Variants in ADRA1A observed in about 807,000 individuals in gnomAD.
ADRA1A encodes alpha-1A adrenergic receptor.
Under a neutral mutation model 29.6 loss-of-function variants are expected in ADRA1A, and 31 were observed. The observed-to-expected ratio is 1.05, with a 90% CI of 0.79 to 1.41. The LOEUF is 1.41. Among genes scored for constraint, ADRA1A ranks in the 40% most tolerant of loss-of-function variants. The pLI, the probability that ADRA1A is intolerant of heterozygous loss-of-function variation, is 0.00. For synonymous variants in ADRA1A, 311 were observed against 254.3 expected (o/e 1.22, Z -2.12); for missense variants, 619 against 601.1 (o/e 1.03, Z -0.31).
At chr8:26,779,543 C>A (rs1435032769) in intron 2 of ADRA1A, 2 of 590,742 alleles carry the variant, frequency 3.4e-6, no homozygotes, top group African/African-American at 1.9e-5. Flanking sequence ...CCATGACAAG[C>A]AGGATGATGA....
At chr8:26,776,904 T>C (rs1246014962) in intron 2 of ADRA1A, among the ~76,000 whole-genome samples, 1 of 152,098 alleles carries the variant, frequency 6.6e-6, no homozygotes, top group Non-Finnish European at 1.5e-5. Flanking sequence ...GTTCAGCGAG[T>C]GGTCTCTCCG....
At chr8:26,755,891 G>T (rs3739215), downstream of ADRA1A, among the ~76,000 whole-genome samples, 1 of 152,018 alleles carries the variant, frequency 6.6e-6, no homozygotes, top group Non-Finnish European at 1.5e-5. Flanking sequence ...TGTTTTGCAG[G>T]GTGATTTTCA....
intron 2 of ADRA1A, among the ~76,000 whole-genome samples, chr8:26,759,860 C>G (rs1478912389): frequency 6.6e-6 from 1 of 152,186 alleles, no homozygotes; most frequent in African/African-American, 2.4e-5. Context: ...CTTGAAAAGA[C>G]AGAATACTTT....
exon 3 of ADRA1A, chr8:26,748,733 C>T (rs554972791): frequency 1.1e-4 from 38 of 350,718 alleles, no homozygotes; most frequent in African/African-American, 7.9e-4. Context: ...AGCCTGGTGA[C>T]AGAGCGAGAC....
At chr8:26,838,739 G>A (rs1040225447) in intron 2 of ADRA1A, among the ~76,000 whole-genome samples, 1 of 152,192 alleles carries the variant, frequency 6.6e-6, no homozygotes, top group Non-Finnish European at 1.5e-5. Flanking sequence ...TCAAAAAAGT[G>A]GTAGAAGATA....
rs1811801590 is a variant in ADRA1A at position 26,841,327 on chromosome 8, C to T, written c.883+22760G>A. On this transcript the variant is annotated intron_variant, in intron 2 of 2. Coordinates refer to ENST00000380573, the MANE Select transcript of ADRA1A (RefSeq NM_000680.4). The surrounding 1 kb of genome is among the most constrained non-coding windows in gnomAD (Gnocchi z 4.4). ...AGGACCACAGTCTCAAGGCCACCTACAGTTTCCTTTACCACCCACTGTCTG... is the reference window on the plus strand; with the variant it reads ...AGGACCACAGTCTCAAGGCCACCTATAGTTTCCTTTACCACCCACTGTCTG... Among the ~76,000 whole-genome samples, 1 of 152,174 alleles carries T rather than the reference C, an allele frequency of 6.6e-6. No individual in the cohort carries two copies.
At chr8:26,808,672 T>C (rs1022003259) in intron 2 of ADRA1A, among the ~76,000 whole-genome samples, 1 of 152,244 alleles carries the variant, frequency 6.6e-6, no homozygotes, top group Non-Finnish European at 1.5e-5. Flanking sequence ...AAGTATACAC[T>C]GAGATGTCAC....
rs1476510727 is a variant in ADRA1A, at chr8:26,769,824, T to C, written c.*325A>G. On this transcript the variant is annotated 3_prime_UTR_variant, in exon 3 of 3. Coordinates refer to ENST00000380573, the MANE Select transcript of ADRA1A (RefSeq NM_000680.4). ...CAAAATATTCATGATGAAATCATAA[T>C]CCTATATTTATAGTCTTTTGGATTG... The C allele has an allele frequency of 2.8e-6, 3 of 1,060,390 alleles. No individual in the cohort carries two copies. Among genetic ancestry groups the C allele is most frequent in the African/African-American group, 1.7e-5 (1 of 60,120 alleles). The allele number at this position is 1,060,390 out of a possible 1,614,324, so 65.7% of individuals were successfully genotyped here. A position where few individuals can be genotyped will look rare whatever the true frequency, so the allele number is the denominator to read the frequency against.
chr8:26,778,615 TA>T, intron 2 of ADRA1A, among the ~76,000 whole-genome samples: 1 of 151,992 alleles, frequency 6.6e-6, no homozygotes, highest in Non-Finnish European at 1.5e-5. Flanking sequence ...TATGCAGCCA[TA>T]AAAAAGGATG....
intron 2 of ADRA1A, among the ~76,000 whole-genome samples, chr8:26,814,201 AAAC>A (rs1809607952): frequency 6.6e-6 from 1 of 152,234 alleles, no homozygotes; most frequent in African/African-American, 2.4e-5. Context: ...TGAAAAAAAA[AAAC>A]ATACTTCCTA....
downstream of ADRA1A, among the ~76,000 whole-genome samples, chr8:26,762,347 A>G (rs1444147872): frequency 1.3e-5 from 2 of 152,156 alleles, no homozygotes; most frequent in Non-Finnish European, 2.9e-5. This position sits in a 1 kb window ranked among gnomAD's most constrained non-coding sequence, Gnocchi z 4.0. Flanking sequence ...GGCCTTCAGA[A>G]TGTCCTCATC....
rs1811005890 is a variant in ADRA1A, at chr8:26,831,980, C to T, written c.883+32107G>A. The stretch of plus-strand genomic sequence containing the variant: ...AGTGGGGACAGAGGCCTGCTGGTCT[C>T]ACCCCACATTTCTCATCCATTTAGA... On this transcript the variant is annotated intron_variant, in intron 2 of 2. Coordinates refer to ENST00000380573, the MANE Select transcript of ADRA1A (RefSeq NM_000680.4). The surrounding 1 kb of genome is among the most constrained non-coding windows in gnomAD (Gnocchi z 5.2). Among the ~76,000 whole-genome samples the T allele has an allele frequency of 6.6e-6, 1 of 152,224 alleles. No individual in the cohort carries two copies. The highest frequency in any genetic ancestry group is 2.4e-5 in the African/African-American group (1 of 41,464).
intron 2 of ADRA1A, among the ~76,000 whole-genome samples, chr8:26,803,919 C>CTTTTT (rs34314160): frequency 6.8e-4 from 65 of 95,218 alleles, no homozygotes; most frequent in East Asian, 1.6e-3. Flanking sequence ...TGGAAGTTTC[C>CTTTTT]TTTTTTTTTT....
In ADRA1A at chr8:26,823,502, A is replaced by G. The variant is rs148859440; in HGVS notation, c.883+40585T>C. Among the ~76,000 whole-genome samples, 26 of 152,298 alleles carry G rather than the reference A, an allele frequency of 1.7e-4. 2 individuals carry two copies. In the East Asian group the frequency reaches 4.8e-3, roughly 28 times the overall value. ...AGGTAATTATTGTTCTCTCATAAAA[A>G]CTGAATTCTATGAAGAACAAAACCT... On this transcript the variant is annotated intron_variant, in intron 2 of 2. Coordinates refer to ENST00000380573, the MANE Select transcript of ADRA1A (RefSeq NM_000680.4). This position sits in a 1 kb window ranked among gnomAD's most constrained non-coding sequence, Gnocchi z 4.2.
intron 2 of ADRA1A, among the ~76,000 whole-genome samples, chr8:26,757,514 C>CT (rs1020619837): frequency 2.0e-5 from 3 of 150,338 alleles, no homozygotes; most frequent in Admixed American, 6.6e-5. Context: ...CTTCCATTTC[C>CT]CCCACCCCCC....
rs934081696 is a variant in ADRA1A at position 26,841,526 on chromosome 8, G to A, written c.883+22561C>T. Among the ~76,000 whole-genome samples the A allele has an allele frequency of 7.9e-5, 12 of 152,066 alleles. No homozygotes were observed. The highest frequency in any genetic ancestry group is 2.7e-4 in the African/African-American group (11 of 41,394). On this transcript the variant is annotated intron_variant, in intron 2 of 2. Transcript: ENST00000380573. This position sits in a 1 kb window ranked among gnomAD's most constrained non-coding sequence, Gnocchi z 4.4. The stretch of plus-strand genomic sequence containing the variant: ...TTGGAAAAAAACAAAAACAAAATTG[G>A]ACCCTTGGTGGAGCCCTTGATGGCG...
At chr8:26,756,726 G>A in exon 3 of ADRA1A, 1 of 1,614,160 alleles carries the variant, frequency 6.2e-7, no homozygotes, top group South Asian at 1.1e-5. Flanking sequence ...TCCTTGGGCA[G>A]TAAGGACAAC....
chr8:26,839,502 CCTCCT>C (rs1264177995), intron 2 of ADRA1A, among the ~76,000 whole-genome samples: 1 of 152,134 alleles, frequency 6.6e-6, no homozygotes, highest in African/African-American at 2.4e-5. Context: ...GGAAAACCAG[CCTCCT>C]CTGACTGTAC....
At chr8:26,755,676 G>A (rs1426773862), downstream of ADRA1A, among the ~76,000 whole-genome samples, 1 of 152,150 alleles carries the variant, frequency 6.6e-6, no homozygotes, top group Non-Finnish European at 1.5e-5. Context: ...TCTGCAGCCG[G>A]CTGAGGCCCT....
Sources: gnomAD v4.1 joint callset for allele counts (sites outside exome capture counted in the v4.1 genomes callset) on GRCh38, gnomAD v4.1.1 for gene constraint, Gnocchi (gnomAD v3.1) non-coding constraint, MANE v1.5 for transcripts, NCBI Gene and HGNC (gene_info 2026-07-23, HGNC 2026-07-21) for gene names.